The following RIF1 variants were observed in gnomAD, a reference collection of about 807,000 sequenced individuals.
The protein encoded by RIF1 is telomere-associated protein RIF1.
RIF1 carries 45 observed loss-of-function variants against 247.1 expected under a neutral mutation model. That is an observed-to-expected ratio of 0.18 (90% confidence interval 0.14 to 0.23). RIF1 has a LOEUF of 0.23. RIF1 is among the 10% of genes least tolerant of loss of function. RIF1 has a pLI of 1.00. For synonymous variants in RIF1, 1,087 were observed against 978.8 expected (o/e 1.11, Z -2.06); for missense variants, 2,967 against 2,862.5 (o/e 1.04, Z -0.83).
chr2:151,515,810 T>TATCA, the RIF1 span, among the ~76,000 whole-genome samples: 1 of 152,254 alleles, frequency 6.6e-6, no homozygotes, highest in African/African-American at 2.4e-5. Context: ...CCTGACATTC[T>TATCA]ATCACCAGAA....
Position 151,463,834 on chromosome 2 carries a change from T to C in RIF1, c.4314T>C (p.His1438=). Reference sequence around the variant, plus strand: ...AAAGCCAAGATAAGGAAAATAGTCATCAAAAAAAGGAACGACGTAAGGAAG... The same window carrying C: ...AAAGCCAAGATAAGGAAAATAGTCACCAAAAAAAGGAACGACGTAAGGAAG... The part of the protein sequence containing the change: ...TTESQDKENS[H]QKKERRKEEE... The change falls in exon 30 of 36, where the codon CAT becomes CAC. Residue 1438 remains histidine (H), a synonymous_variant. Coordinates refer to ENST00000444746, the MANE Select transcript of RIF1 (RefSeq NM_018151.5). 6.2e-7 allele frequency: 1 copy of C among 1,610,086 alleles called. No individual in the cohort carries two copies. The highest frequency in any genetic ancestry group is 1.1e-5 in the South Asian group (1 of 90,246).
Position 151,499,299 on chromosome 2 carries a change from G to T in RIF1, c.*514-46G>T, listed in dbSNP as rs1458048713. On this transcript the variant is annotated intron_variant and NMD_transcript_variant, in intron 10 of 13. Coordinates refer to the RIF1 transcript ENST00000454583. The stretch of plus-strand genomic sequence containing the variant: ...AAGGGATTTTTTATTTTTAAATACC[G>T]AACTAAAGTTTTCTTGATTGTGTTT... The T allele has an allele frequency of 3.6e-5, 53 of 1,463,804 alleles. No individual in the cohort carries two copies. Among genetic ancestry groups the T allele is most frequent in the Non-Finnish European group, 4.6e-5 (50 of 1,083,300 alleles). The allele number at this position is 1,463,804 out of a possible 1,614,324, so 90.7% of individuals were successfully genotyped here. A position where few individuals can be genotyped will look rare whatever the true frequency, so the allele number is the denominator to read the frequency against.
downstream of RIF1, among the ~76,000 whole-genome samples, chr2:151,484,972 A>G (rs1233685826): frequency 2.6e-5 from 4 of 152,292 alleles, no homozygotes; most frequent in Non-Finnish European, 5.9e-5. Context: ...CAGCATTACT[A>G]CGGCTGTAAA....
the RIF1 span, chr2:151,530,909 G>T: frequency 2.4e-6 from 2 of 836,234 alleles, no homozygotes; most frequent in African/African-American, 3.4e-5. Flanking sequence ...TGTTACACAG[G>T]AATAGATAAC....
intron 6 of RIF1, among the ~76,000 whole-genome samples, chr2:151,418,291 A>G (rs1293634022): frequency 3.9e-5 from 6 of 152,000 alleles, no homozygotes; most frequent in Non-Finnish European, 5.9e-5. Flanking sequence ...TGCAATCTCT[A>G]CCTCCCAGGT....
At position 151,443,302 on chromosome 2, in the gene RIF1, T is replaced by A; in HGVS notation, c.1778T>A (p.Phe593Tyr). The change falls in exon 17 of 36, where the codon TTC (phenylalanine) becomes TAC (tyrosine). Residue 593 changes from phenylalanine to tyrosine, a missense_variant. Coordinates refer to ENST00000444746, the MANE Select transcript of RIF1 (RefSeq NM_018151.5). Reference sequence around the variant, plus strand: ...TTAATTCAATTAATTTTCAACAATTTCTTGGAATGTGGTGTATCAGATGAA... The same window carrying A: ...TTAATTCAATTAATTTTCAACAATTACTTGGAATGTGGTGTATCAGATGAA... ...LFLIQLIFNN[F>Y]LECGVSDERF... 1 of 1,602,592 alleles carries A rather than the reference T, an allele frequency of 6.2e-7. No homozygotes were observed. The highest frequency in any genetic ancestry group is 8.5e-7 in the Non-Finnish European group (1 of 1,170,582).
downstream of RIF1, among the ~76,000 whole-genome samples, chr2:151,511,813 A>G (rs2074618674): frequency 6.6e-6 from 1 of 152,166 alleles, no homozygotes; most frequent in African/African-American, 2.4e-5. Context: ...TGTGGTCTCA[A>G]TCTCAGTCTT....
rs564967381 is a variant in RIF1, at chr2:151,442,362, T to C, written c.1734+371T>C. ...TCCTGGGATTACAGGTGTGAGCCACTGTGCCCAGCATATTTCCCTTTTTTT... is the reference window on the plus strand; with the variant it reads ...TCCTGGGATTACAGGTGTGAGCCACCGTGCCCAGCATATTTCCCTTTTTTT... On this transcript the variant is annotated intron_variant, in intron 16 of 35. Coordinates refer to ENST00000444746, the MANE Select transcript of RIF1 (RefSeq NM_018151.5). Among the ~76,000 whole-genome samples the C allele has an allele frequency of 4.0e-5, 6 of 149,562 alleles. No individual in the cohort carries two copies. In the East Asian group the frequency reaches 1.2e-3, roughly 29 times the overall value.
chr2:151,455,587 A>T (rs1426215919), intron 22 of RIF1, among the ~76,000 whole-genome samples: 2 of 152,254 alleles, frequency 1.3e-5, no homozygotes, highest in African/African-American at 2.4e-5. Context: ...TAATAAAATG[A>T]ATGCAAATAA....
chr2:151,461,088 A>G, intron 26 of RIF1, 50 bp from the exon 27 acceptor site: 1 of 1,539,174 alleles, frequency 6.5e-7, no homozygotes, highest in Non-Finnish European at 8.8e-7. Context: ...AATATTGGAA[A>G]ATAATTTGGA....
At chr2:151,489,336 A>G (rs1486149935) in intron 9 of RIF1, among the ~76,000 whole-genome samples, 1 of 152,166 alleles carries the variant, frequency 6.6e-6, no homozygotes, top group African/African-American at 2.4e-5. Flanking sequence ...TACCATTTCT[A>G]TATATATTAA....
At chr2:151,433,660 G>A (rs1055146499) in intron 10 of RIF1, among the ~76,000 whole-genome samples, 14 of 151,668 alleles carry the variant, frequency 9.2e-5, no homozygotes, top group African/African-American at 3.4e-4. Flanking sequence ...TTACCATGGT[G>A]GCCAGGCTGG....
chr2:151,435,747 A>G lies in RIF1; in HGVS notation c.1195+167A>G, dbSNP rs138351474. 3.3e-5 allele frequency among the ~76,000 whole-genome samples: 5 copies of G among 150,500 alleles called. No individual in the cohort carries two copies. The East Asian group carries it at 9.8e-4, about 30-fold the overall frequency. ...TAGGTTCATTACCAAAAAATCCATT[A>G]TCATGTTTTTCTGTTTTTTGTTTTT... On this transcript the variant is annotated intron_variant, in intron 11 of 35. Transcript: ENST00000444746.
intron 13 of RIF1, 81 bp downstream of exon 13, chr2:151,437,432 T>A: frequency 9.3e-7 from 1 of 1,072,338 alleles, no homozygotes; most frequent in Non-Finnish European, 1.4e-6. Flanking sequence ...ACCTCACACC[T>A]GTAATCCCAG....
At chr2:151,499,333 C>T (rs1341609785) in intron 10 of RIF1, 1 of 1,542,652 alleles carries the variant, frequency 6.5e-7, no homozygotes, top group South Asian at 1.2e-5. Flanking sequence ...TTGACTCTCT[C>T]CATCTCTGGA....
chr2:151,429,671 A>G (rs1241188030), intron 9 of RIF1, among the ~76,000 whole-genome samples: 1 of 152,220 alleles, frequency 6.6e-6, no homozygotes, highest in Non-Finnish European at 1.5e-5. Context: ...AATATCAGTG[A>G]TCGATGACCT....
rs929552885 is a variant in RIF1 at position 151,464,379 on chromosome 2, A to T, written c.4859A>T (p.Glu1620Val). 2 of 1,610,288 alleles carry T rather than the reference A, an allele frequency of 1.2e-6. No individual in the cohort carries two copies. The highest frequency in any genetic ancestry group is 1.7e-6 in the Non-Finnish European group (2 of 1,178,978). Reference protein sequence around the residue: ...EDVSIKSPICEKQDESNTVIC... With the variant: ...EDVSIKSPICVKQDESNTVIC... Reference sequence around the variant, plus strand: ...GTAAGCATAAAATCTCCGATTTGCGAAAAACAAGATGAAAGTAATACTGTA... The same window carrying T: ...GTAAGCATAAAATCTCCGATTTGCGTAAAACAAGATGAAAGTAATACTGTA... Residue 1620 changes from glutamate to valine, a missense_variant, in exon 30 of 36, where the codon GAA becomes GTA. Physicochemically the swap from Glu to Val is moderately radical, Grantham distance 121 (BLOSUM62 -2). Coordinates refer to ENST00000444746, the MANE Select transcript of RIF1 (RefSeq NM_018151.5).
At chr2:151,505,071 T>TTA (rs993294500) in intron 12 of RIF1, among the ~76,000 whole-genome samples, 35 of 152,260 alleles carry the variant, frequency 2.3e-4, no homozygotes, top group African/African-American at 7.7e-4. Flanking sequence ...CACACATGTT[T>TTA]TATATATATA....
chr2:151,474,292 TTTCTC>T (rs1313285960), intron 35 of RIF1, among the ~76,000 whole-genome samples: 3 of 152,234 alleles, frequency 2.0e-5, no homozygotes, highest in African/African-American at 7.2e-5. Context: ...AACTATACAC[TTTCTC>T]TTCTAGTTAT....
Sources: gnomAD v4.1 joint callset for allele counts (sites outside exome capture counted in the v4.1 genomes callset) on GRCh38, gnomAD v4.1.1 for gene constraint, MANE v1.5 for transcripts, NCBI Gene and HGNC (gene_info 2026-07-23, HGNC 2026-07-21) for gene names.